The following NCS1 variants were observed in gnomAD, a reference collection of about 807,000 sequenced individuals.
NCS1 encodes the protein neuronal calcium sensor 1, also known as frequenin homolog.
Under a neutral mutation model 28.4 loss-of-function variants are expected in NCS1, and 6 were observed. The observed-to-expected ratio is 0.21, with a 90% CI of 0.12 to 0.42. The LOEUF is 0.42. NCS1 is among the 10% of genes least tolerant of loss of function. The pLI, the probability that NCS1 is intolerant of heterozygous loss-of-function variation, is 1.00. For missense variants in NCS1, 131 were observed against 241.4 expected, an observed-to-expected ratio of 0.54 and a Z score of 3.03; for synonymous variants, 86 against 99.3, an observed-to-expected ratio of 0.87 and a Z score of 0.79.
At chr9:130,217,030 A>G (rs1364961658) in intron 2 of NCS1, among the ~76,000 whole-genome samples, 1 of 152,164 alleles carries the variant, frequency 6.6e-6, no homozygotes, top group Non-Finnish European at 1.5e-5. Flanking sequence ...TTTTTGTGCT[A>G]AGCCCTGTGG....
rs374360696 is a variant in NCS1, at chr9:130,184,224, C to T, written c.64+11497C>T. ...CTTCTAGCCCTGTGACCACTTCCTT[C>T]TCTGAATCTCTGCAGAACTGGGAGA... is the stretch of plus-strand genomic sequence containing the variant. On this transcript the variant is annotated intron_variant, in intron 1 of 7. Transcript: ENST00000372398. Among the ~76,000 whole-genome samples, 10 of 152,318 alleles carry T rather than the reference C, an allele frequency of 6.6e-5. No individual in the cohort carries two copies. In the East Asian group the frequency reaches 1.7e-3, roughly 26 times the overall value.
chr9:130,203,211 C>G (rs1208454250), intron 2 of NCS1, among the ~76,000 whole-genome samples: 1 of 151,244 alleles, frequency 6.6e-6, no homozygotes, highest in Non-Finnish European at 1.5e-5. Context: ...GCCATCTCAG[C>G]TCAATTACAG....
chr9:130,203,446 C>T (rs1423571135), intron 2 of NCS1, among the ~76,000 whole-genome samples: 1 of 152,178 alleles, frequency 6.6e-6, no homozygotes, highest in Non-Finnish European at 1.5e-5. Flanking sequence ...GAGTGGACAG[C>T]AAGGAGTCTT....
At chr9:130,182,005 G>A (rs1302774322) in intron 1 of NCS1, among the ~76,000 whole-genome samples, 1 of 152,048 alleles carries the variant, frequency 6.6e-6, no homozygotes, top group Non-Finnish European at 1.5e-5. Context: ...GCCAGGTCTG[G>A]AACCAGGTGA....
intron 1 of NCS1, among the ~76,000 whole-genome samples, chr9:130,172,950 G>T (rs1406860121): frequency 6.6e-6 from 1 of 151,758 alleles, no homozygotes; most frequent in African/African-American, 2.4e-5. Flanking sequence ...AGTGCGCGCC[G>T]GTCGGCGTGC....
intron 1 of NCS1, among the ~76,000 whole-genome samples, chr9:130,193,144 G>C (rs1321191570): frequency 1.3e-5 from 2 of 152,178 alleles, no homozygotes; most frequent in Non-Finnish European, 2.9e-5. Flanking sequence ...CTGTGCTGTT[G>C]CTGCCCAGGG....
intron 1 of NCS1, among the ~76,000 whole-genome samples, chr9:130,173,110 C>G (rs1832510810): frequency 6.6e-6 from 1 of 151,816 alleles, no homozygotes; most frequent in East Asian, 1.9e-4. Context: ...CTGGCACGAG[C>G]GCGCGGGGCT....
chr9:130,174,490 C>G (rs945486972), intron 1 of NCS1, among the ~76,000 whole-genome samples: 4 of 152,172 alleles, frequency 2.6e-5, no homozygotes, highest in African/African-American at 7.2e-5. Flanking sequence ...AGGACTTGAA[C>G]TCCGGTCTGT....
chr9:130,213,857 G>A (rs1217577306), intron 2 of NCS1, among the ~76,000 whole-genome samples: 1 of 152,212 alleles, frequency 6.6e-6, no homozygotes, highest in Non-Finnish European at 1.5e-5. Flanking sequence ...GGAATTACAG[G>A]CGTGAGCCAC....
chr9:130,212,543 G>C (rs781936381), intron 2 of NCS1, among the ~76,000 whole-genome samples: 11 of 150,592 alleles, frequency 7.3e-5, no homozygotes, highest in Non-Finnish European at 1.5e-4. Context: ...GAGGGGCGTT[G>C]TGGGGAAGGG....
chr9:130,198,560 C>T (rs1173193784), intron 1 of NCS1, among the ~76,000 whole-genome samples: 3 of 152,200 alleles, frequency 2.0e-5, no homozygotes, highest in African/African-American at 4.8e-5. Context: ...GGCAAAGGGA[C>T]CTCAGGTGAT....
rs2131108237 is a variant in NCS1, at chr9:130,172,425, C to A, written c.-239C>A. 6.9e-6 allele frequency among the ~76,000 whole-genome samples: 1 copy of A among 145,800 alleles called. No homozygotes were observed. Among genetic ancestry groups the A allele is most frequent in the Non-Finnish European group, 1.5e-5 (1 of 65,616 alleles). On this transcript the variant is annotated 5_prime_UTR_variant, in exon 1 of 8. Transcript: ENST00000372398. ...GCCCAGTAACCAGGGACGACCGCGG[C>A]CACACCGCGCCGGCGCCGGCGCCCA... is the stretch of plus-strand genomic sequence containing the variant.
chr9:130,175,160 T>C lies in NCS1; in HGVS notation c.64+2433T>C, dbSNP rs1192278997. On this transcript the variant is annotated intron_variant, in intron 1 of 7. Transcript: ENST00000372398. This position sits in a 1 kb window ranked among gnomAD's most constrained non-coding sequence, Gnocchi z 4.9. The stretch of plus-strand genomic sequence containing the variant: ...ACGTCAGCTCCCTAGTGCAGGCCCT[T>C]GTGTGTGGAGCTCACAGCTGTGTTC... Among the ~76,000 whole-genome samples the C allele has an allele frequency of 6.6e-6, 1 of 152,058 alleles. No individual in the cohort carries two copies. Among genetic ancestry groups the C allele is most frequent in the African/African-American group, 2.4e-5 (1 of 41,400 alleles).
intron 1 of NCS1, among the ~76,000 whole-genome samples, chr9:130,179,473 T>C (rs1314453328): frequency 2.0e-5 from 3 of 152,226 alleles, no homozygotes; most frequent in Non-Finnish European, 4.4e-5. Flanking sequence ...CATCTTTGCA[T>C]GAATGTCTTT....
In NCS1 at chr9:130,209,132, G is replaced by C. The variant is rs1420945511; in HGVS notation, c.89+8150G>C. On this transcript the variant is annotated intron_variant, in intron 2 of 7. Transcript: ENST00000372398. The surrounding 1 kb of genome is among the most constrained non-coding windows in gnomAD (Gnocchi z 4.4). ...AGAGATAATGGGAGAATAATTTGCC[G>C]AGGCTGCCGCTGCGCCCATCCCCGC... is the stretch of plus-strand genomic sequence containing the variant. Among the ~76,000 whole-genome samples, 6 of 152,188 alleles carry C rather than the reference G, an allele frequency of 3.9e-5. No individual in the cohort carries two copies. The highest frequency in any genetic ancestry group is 1.4e-4 in the African/African-American group (6 of 41,440).
In NCS1 at chr9:130,210,843, C is replaced by CTTTTCTTTT. The variant is rs1554908687; in HGVS notation, c.90-6985_90-6984insCTTTTTTTT. On this transcript the variant is annotated intron_variant, in intron 2 of 7. Transcript: ENST00000372398. ...TTCAACACCTTTTTCTTTTTCTTTTCTTTTTTTTTTTTTGAGACAGGGTCT... is the reference window on the plus strand; with the variant it reads ...TTCAACACCTTTTTCTTTTTCTTTTCTTTTCTTTTTTTTTTTTTTTTTGAGACAGGGTCT... Among the ~76,000 whole-genome samples the CTTTTCTTTT allele has an allele frequency of 9.6e-3, 1,354 of 141,040 alleles. 20 individuals are homozygous for CTTTTCTTTT. Among genetic ancestry groups the CTTTTCTTTT allele is most frequent in the African/African-American group, 0.033 (1,254 of 38,500 alleles). 92.5% of individuals were successfully genotyped at this position (141,040 alleles called of 152,430 possible). A position where few individuals can be genotyped will look rare whatever the true frequency, so the allele number is the denominator to read the frequency against.
At chr9:130,189,904 A>ATATATATATATATATG (rs1324463526) in intron 1 of NCS1, among the ~76,000 whole-genome samples, 10 of 131,494 alleles carry the variant, frequency 7.6e-5, no homozygotes, top group African/African-American at 3.1e-4. Context: ...ATATATATAT[A>ATATATATATATATATG]TATATTCCCA....
intron 2 of NCS1, 30 bp downstream of exon 2, chr9:130,201,012 A>G: frequency 6.2e-7 from 1 of 1,613,942 alleles, no homozygotes; most frequent in Non-Finnish European, 8.5e-7. Context: ...CAAACCGTAG[A>G]GGGGCTGCGG....
chr9:130,205,861 G>C (rs1833017786), intron 2 of NCS1, among the ~76,000 whole-genome samples: 1 of 151,752 alleles, frequency 6.6e-6, no homozygotes. Context: ...AAGAAAATAG[G>C]TGGTCTTTTC....
Sources: gnomAD v4.1 joint callset for allele counts (sites outside exome capture counted in the v4.1 genomes callset) on GRCh38, gnomAD v4.1.1 for gene constraint, Gnocchi (gnomAD v3.1) non-coding constraint, MANE v1.5 for transcripts, NCBI Gene and HGNC (gene_info 2026-07-23, HGNC 2026-07-21) for gene names.